METTL15: variants seen among roughly 807,000 people sequenced by gnomAD.
METTL15 encodes the protein 12S rRNA N(4)-cytidine methyltransferase METTL15.
In METTL15, 34 loss-of-function variants were observed where a neutral mutation model predicts 38.3. The ratio of observed to expected loss-of-function variants is 0.89; its 90% CI spans 0.68 to 1.18. The LOEUF (loss-of-function observed/expected upper bound fraction) is 1.18. Ranked by LOEUF, METTL15 falls within the 50% of genes most tolerant of loss-of-function variation. METTL15 has a pLI of 0.00. For synonymous variants in METTL15, 162 were observed against 170.9 expected (o/e 0.95, Z 0.41); for missense variants, 438 against 498.4 (o/e 0.88, Z 1.15).
intron 6 of METTL15, among the ~76,000 whole-genome samples, chr11:28,449,217 A>G (rs751565555): frequency 6.6e-6 from 1 of 152,176 alleles, no homozygotes; most frequent in Non-Finnish European, 1.5e-5. Flanking sequence ...TGGATAGTGC[A>G]GGGCTGATTT....
intron 3 of METTL15, among the ~76,000 whole-genome samples, chr11:28,161,294 G>GT (rs1850455242): frequency 6.6e-6 from 1 of 151,578 alleles, no homozygotes; most frequent in African/African-American, 2.4e-5. Flanking sequence ...GCTAATTTTT[G>GT]TTTTTTAGTA....
chr11:28,442,405 G>A (rs774307873), intron 6 of METTL15, among the ~76,000 whole-genome samples: 11 of 151,828 alleles, frequency 7.2e-5, no homozygotes, highest in African/African-American at 1.2e-4. Flanking sequence ...TTATGGTTTC[G>A]AAACAGTTTT....
At chr11:28,357,707 T>C (rs1850101845) in intron 4 of METTL15, among the ~76,000 whole-genome samples, 1 of 152,076 alleles carries the variant, frequency 6.6e-6, no homozygotes, top group Non-Finnish European at 1.5e-5. Flanking sequence ...CCCAAAGACA[T>C]GGAGGGAGAC....
At chr11:28,478,912 C>T (rs1851370487) in intron 6 of METTL15, among the ~76,000 whole-genome samples, 1 of 122,236 alleles carries the variant, frequency 8.2e-6, no homozygotes, top group Middle Eastern at 4.2e-3. Context: ...CAGAAAACAA[C>T]ATGGCACCTG....
chr11:28,200,981 C>G (rs563330315), intron 3 of METTL15, among the ~76,000 whole-genome samples: 1 of 152,140 alleles, frequency 6.6e-6, no homozygotes, highest in Admixed American at 6.5e-5. Context: ...ATCTTGTTGT[C>G]TTGTACTGGT....
At chr11:28,197,528 G>A (rs752037274) in intron 3 of METTL15, 11 of 442,358 alleles carry the variant, frequency 2.5e-5, no homozygotes, top group South Asian at 5.1e-5. Flanking sequence ...ATTTACACAC[G>A]AGGAAACTGA....
chr11:28,394,173 G>C (rs1850544340), intron 5 of METTL15, among the ~76,000 whole-genome samples: 1 of 152,016 alleles, frequency 6.6e-6, no homozygotes, highest in Non-Finnish European at 1.5e-5. Context: ...AGAAGAGAAG[G>C]CAGTAAGGGA....
chr11:28,431,039 G>A (rs1478982278), intron 6 of METTL15, among the ~76,000 whole-genome samples: 2 of 50,754 alleles, frequency 3.9e-5, no homozygotes, highest in Non-Finnish European at 5.1e-5. Context: ...GGGGGGGTCA[G>A]CCCCCTGCCC....
At chr11:28,342,866 T>A (rs1229250878) in intron 3 of METTL15, among the ~76,000 whole-genome samples, 2 of 152,032 alleles carry the variant, frequency 1.3e-5, no homozygotes, top group Non-Finnish European at 2.9e-5. Flanking sequence ...CTGTCACATA[T>A]CTTTGTCGTT....
intron 3 of METTL15, among the ~76,000 whole-genome samples, chr11:28,341,894 T>C (rs1564901127): frequency 6.6e-6 from 1 of 152,182 alleles, no homozygotes; most frequent in Non-Finnish European, 1.5e-5. Context: ...AATTTCTTGT[T>C]CCATTCCTAT....
At chr11:28,138,676 T>A (rs1167063743) in intron 3 of METTL15, among the ~76,000 whole-genome samples, 11 of 152,190 alleles carry the variant, frequency 7.2e-5, no homozygotes, top group Non-Finnish European at 7.3e-5. Flanking sequence ...CGGAAAGTAC[T>A]CATTCCCTAT....
At chr11:28,325,407 G>T (rs1008815329) in intron 6 of METTL15, among the ~76,000 whole-genome samples, 1 of 152,108 alleles carries the variant, frequency 6.6e-6, no homozygotes, top group Non-Finnish European at 1.5e-5. Flanking sequence ...GGGTACATAG[G>T]TGCAATAGAC....
In METTL15 at chr11:28,113,520, T is replaced by C. The variant is rs564414922; in HGVS notation, c.186T>C (p.Asp62=). 3.3e-5 allele frequency: 53 copies of C among 1,613,562 alleles called. No homozygotes were observed. Among genetic ancestry groups the C allele is most frequent in the African/African-American group, 3.1e-4 (23 of 74,964 alleles). The change falls in exon 3 of 7, where the codon GAT becomes GAC. Residue 62 remains aspartate, a synonymous_variant. Coordinates refer to ENST00000407364, the MANE Select transcript of METTL15 (RefSeq NM_001113528.2). The part of the protein sequence containing the change: ...TQAQELHRSQ[D]RDFETMAKLH... Reference sequence around the variant, plus strand: ...CCCAGGAGTTACACAGATCTCAAGATAGAGATTTTGAAACTATGGCTAAAT... The same window carrying C: ...CCCAGGAGTTACACAGATCTCAAGACAGAGATTTTGAAACTATGGCTAAAT...
chr11:28,483,504 C>T (rs1851414095), intron 6 of METTL15, among the ~76,000 whole-genome samples: 1 of 152,140 alleles, frequency 6.6e-6, no homozygotes, highest in South Asian at 2.1e-4. Context: ...ATCCTGGACC[C>T]AGGGTTTATT....
downstream of METTL15, among the ~76,000 whole-genome samples, chr11:28,334,266 A>G (rs1849880621): frequency 6.6e-6 from 1 of 152,062 alleles, no homozygotes; most frequent in Non-Finnish European, 1.5e-5. Flanking sequence ...CTCTGGAAAA[A>G]GAAATATTAG....
At position 28,220,875 on chromosome 11, in the gene METTL15, T is replaced by G. The variant is rs190740729; in HGVS notation, c.407+9677T>G. ...GATTGAAAATTGTTTTCTTTAAGAA[T>G]GTTGAATATTGGCCCCCACTCTCTT... On this transcript the variant is annotated intron_variant, in intron 4 of 6. Transcript: ENST00000407364. 9.0e-4 allele frequency among the ~76,000 whole-genome samples: 137 copies of G among 152,338 alleles called. 1 individual carries two copies. Among genetic ancestry groups the G allele is most frequent in the African/African-American group, 3.3e-3 (136 of 41,584 alleles).
intron 4 of METTL15, among the ~76,000 whole-genome samples, chr11:28,234,811 T>G (rs1853868514): frequency 2.8e-5 from 4 of 144,256 alleles, no homozygotes; most frequent in South Asian, 4.7e-4. Context: ...TTAGTTTAAT[T>G]AGATCCCATT....
chr11:28,194,164 C>CTTTCTTTCTTTCTTTCTTTCTTTCTT (rs1590136738), intron 3 of METTL15, among the ~76,000 whole-genome samples: 1 of 96,418 alleles, frequency 1.0e-5, no homozygotes, highest in Non-Finnish European at 2.0e-5. Context: ...TTCTTTCTTT[C>CTTTCTTTCTTTCTTTCTTTCTTTCTT]TTTCTTTCTT....
At chr11:28,427,161 A>G (rs1850872793) in intron 6 of METTL15, among the ~76,000 whole-genome samples, 1 of 152,310 alleles carries the variant, frequency 6.6e-6, no homozygotes, top group South Asian at 2.1e-4. Context: ...TTGGCCAGCC[A>G]GTTCTCCAAG....
Sources: allele counts gnomAD v4.1 joint callset (sites outside exome capture counted in the v4.1 genomes callset), GRCh38; gene constraint gnomAD v4.1.1; transcripts MANE v1.5; gene names NCBI Gene and HGNC (gene_info 2026-07-23, HGNC 2026-07-21).